The following MAN2B1 variants were observed in gnomAD, a reference collection of about 807,000 sequenced individuals.
The protein encoded by MAN2B1 is lysosomal alpha-mannosidase.
Under a neutral mutation model 127.5 loss-of-function variants are expected in MAN2B1, and 99 were observed. The observed-to-expected ratio is 0.78, with a 90% CI of 0.66 to 0.92. The LOEUF (loss-of-function observed/expected upper bound fraction) is 0.92, where lower values mean the gene tolerates loss of function less well. Among genes scored for constraint, MAN2B1 ranks in the 40% least tolerant of loss-of-function variants. The pLI is 0.00. For synonymous variants in MAN2B1, 573 were observed against 568.8 expected (o/e 1.01, Z -0.11); for missense variants, 1,304 against 1,384.8 (o/e 0.94, Z 0.93).
chr19:12,656,822 G>C (rs754856965), intron 12 of MAN2B1, 127 bp downstream of exon 12: 16 of 1,038,760 alleles, frequency 1.5e-5, no homozygotes, highest in Non-Finnish European at 2.4e-5. Flanking sequence ...GAGATGCGTT[G>C]TTCTCTCTGC....
In MAN2B1 at chr19:12,665,634, A is replaced by C; in HGVS notation, c.262+69T>G. 3 of 1,586,142 alleles carry C rather than the reference A, an allele frequency of 1.9e-6. No individual in the cohort carries two copies. In the Admixed American group the frequency reaches 5.0e-5, roughly 26 times the overall value. ...TTAGGGTAGCACTGGCCCCACCCTAATGTCCAGGACCCAGAGGGATTACAG... is the reference window on the plus strand; with the variant it reads ...TTAGGGTAGCACTGGCCCCACCCTACTGTCCAGGACCCAGAGGGATTACAG... On this transcript the variant is annotated intron_variant, in intron 2 of 23. Transcript: ENST00000456935.
At chr19:12,657,910 G>A (rs2024007107) in intron 10 of MAN2B1, 153 bp downstream of exon 10, 7 of 701,494 alleles carry the variant, frequency 1.0e-5, no homozygotes, top group Admixed American at 3.1e-5. Context: ...AGCCGAGATC[G>A]CACCACTGCA....
intron 14 of MAN2B1, 76 bp downstream of exon 14, chr19:12,655,618 C>G (rs1239066910): frequency 1.4e-6 from 2 of 1,475,148 alleles, no homozygotes; most frequent in Non-Finnish European, 1.8e-6. Flanking sequence ...ACCTGCTGAC[C>G]CAGAGTCCAC....
Position 12,646,599 on chromosome 19 carries a change from G to T in MAN2B1, c.*21C>A. 6.4e-7 allele frequency: 1 copy of T among 1,570,270 alleles called. No homozygotes were observed. Among genetic ancestry groups the T allele is most frequent in the Non-Finnish European group, 8.8e-7 (1 of 1,140,064 alleles). The stretch of plus-strand genomic sequence containing the variant: ...CCCCCGGAGCAGGAGGCTTGGGCTT[G>T]GAGGGCCCATCCCAGCAGACCTAAC... On this transcript the variant is annotated 3_prime_UTR_variant, in exon 24 of 24. Transcript: ENST00000456935.
intron 6 of MAN2B1, among the ~76,000 whole-genome samples, chr19:12,662,616 T>TAA (rs2024135012): frequency 1.8e-5 from 2 of 112,642 alleles, no homozygotes; most frequent in African/African-American, 6.8e-5. Flanking sequence ...GGCGACAGAG[T>TAA]GAGTCTAAAA....
chr19:12,658,552 C>A (rs1182832713), intron 7 of MAN2B1, 42 bp from the exon 8 acceptor site: 3 of 1,573,914 alleles, frequency 1.9e-6, no homozygotes, highest in Non-Finnish European at 2.6e-6. Context: ...GGAGTCCGCA[C>A]CTTCCTGGGG....
At chr19:12,655,595 C>T (rs899530842) in intron 14 of MAN2B1, 99 bp downstream of exon 14, 1 of 1,253,990 alleles carries the variant, frequency 8.0e-7, no homozygotes, top group Non-Finnish European at 1.1e-6. Flanking sequence ...GACAGGAGGT[C>T]ATAAGCCTAG....
At chr19:12,646,871 C>T (rs536754001) in intron 23 of MAN2B1, 139 bp from the exon 24 acceptor site, 2 of 671,930 alleles carry the variant, frequency 3.0e-6, no homozygotes, top group African/African-American at 1.8e-5. Context: ...AGACTCTTAA[C>T]CTGCTTCCCC....
chr19:12,660,844 C>T (rs1006716163), intron 7 of MAN2B1: 5 of 265,998 alleles, frequency 1.9e-5, no homozygotes, highest in African/African-American at 2.3e-5. Flanking sequence ...CTGCAACCTC[C>T]GCCTCCCGGA....
rs1322198938 is a variant in MAN2B1 at position 12,666,735 on chromosome 19, C to G, written c.-34G>C. 13 of 1,541,986 alleles carry G rather than the reference C, an allele frequency of 8.4e-6. No homozygotes were observed. The Admixed American group carries it at 1.8e-4, about 21-fold the overall frequency. On this transcript the variant is annotated 5_prime_UTR_variant, in exon 1 of 24. Transcript: ENST00000456935. ...AGCTTCCTCCTGGGGTTCCCCGGCC[C>G]TGGAAAGGCCGGGCAAACGCCCCGC...
Position 12,665,447 on chromosome 19 carries a change from C to A in MAN2B1, c.341G>T (p.Arg114Leu). 1.2e-6 allele frequency: 2 copies of A among 1,614,040 alleles called. No homozygotes were observed. The highest frequency in any genetic ancestry group is 2.7e-5 in the African/African-American group (2 of 75,024). Residue 114 changes from arginine to leucine, a missense_variant, in exon 3 of 24, where the codon CGT becomes CTT. By Grantham distance (102) the Arg-to-Leu change is moderately radical. Transcript: ENST00000456935. ...VISALLADPT[R>L]RFIYVEIAFF... ...GGCAATCTCCACGTAAATGAAGCGACGGGTGGGATCTGCCAGCAAGGCAGA... is the reference window on the plus strand; with the variant it reads ...GGCAATCTCCACGTAAATGAAGCGAAGGGTGGGATCTGCCAGCAAGGCAGA...
chr19:12,659,846 T>A (rs2024062172), intron 7 of MAN2B1, among the ~76,000 whole-genome samples: 1 of 151,752 alleles, frequency 6.6e-6, no homozygotes, highest in Non-Finnish European at 1.5e-5. Flanking sequence ...AATAAAATTT[T>A]AAAAAGAAAA....
At chr19:12,654,743 C>T (rs1490583840) in intron 14 of MAN2B1, among the ~76,000 whole-genome samples, 2 of 152,056 alleles carry the variant, frequency 1.3e-5, no homozygotes, top group Non-Finnish European at 2.9e-5. Flanking sequence ...GGCATGATCT[C>T]GGCTCACTGC....
At chr19:12,659,333 ACT>A (rs1408796773) in intron 7 of MAN2B1, among the ~76,000 whole-genome samples, 2 of 135,936 alleles carry the variant, frequency 1.5e-5, no homozygotes, top group Admixed American at 8.0e-5. Context: ...ACTGAGTCTG[ACT>A]CTGTCGCCCA....
chr19:12,652,072 C>G, intron 16 of MAN2B1, 81 bp downstream of exon 16: 1 of 1,056,402 alleles, frequency 9.5e-7, no homozygotes, highest in South Asian at 1.3e-5. Context: ...CCTACCCTCA[C>G]TCTACACATG....
Position 12,658,325 on chromosome 19 carries a change from AGTC to A in MAN2B1, c.1126_1128del (p.Asp376del). On this transcript the variant is annotated inframe_deletion, in exon 9 of 24. Transcript: ENST00000456935. ...TGGGGGCCATCCGCGTAAGGGAAGA[AGTC>A]GTCATGTTTCACTGACCTACAGCGG... 1 of 1,614,234 alleles carries A rather than the reference AGTC, an allele frequency of 6.2e-7. No individual in the cohort carries two copies.
Position 12,656,561 on chromosome 19 carries a change from T to G in MAN2B1, c.1644+10A>C. ...GTCCCAGCGGGGGAATATTCGTTGT[T>G]TGGGCTCACATCGCTGGGCACTGTC... On this transcript the variant is annotated intron_variant, in intron 13 of 23. Transcript: ENST00000456935. The G allele has an allele frequency of 6.2e-7, 1 of 1,602,598 alleles. No individual in the cohort carries two copies. The highest frequency in any genetic ancestry group is 8.5e-7 in the Non-Finnish European group (1 of 1,169,628).
At position 12,666,588 on chromosome 19, in the gene MAN2B1, GA is replaced by G; in HGVS notation, c.113del (p.Phe38SerfsTer26). ...LRPPLPPLCF[F>X]LLLLAAAGAR... Reference sequence around the variant, plus strand: ...CACCGGCAGCCGCCAGCAACAAAAGGAAAAAGCAGAGAGGCGGGAGCGGTGG... The same window carrying G: ...CACCGGCAGCCGCCAGCAACAAAAGGAAAAGCAGAGAGGCGGGAGCGGTGG... On this transcript the variant is annotated frameshift_variant, in exon 1 of 24. Transcript: ENST00000456935. LOFTEE classifies it high-confidence loss of function. 1.3e-6 allele frequency: 2 copies of G among 1,586,490 alleles called. No individual in the cohort carries two copies. Among genetic ancestry groups the G allele is most frequent in the Admixed American group, 1.8e-5 (1 of 55,176 alleles).
intron 3 of MAN2B1, 64 bp from the exon 4 acceptor site, chr19:12,665,049 A>G: frequency 6.9e-7 from 1 of 1,446,156 alleles, no homozygotes; most frequent in Admixed American, 1.7e-5. Context: ...AGGGTGGGTG[A>G]TACTGGGAAT....
Sources: allele counts gnomAD v4.1 joint callset (sites outside exome capture counted in the v4.1 genomes callset), GRCh38; gene constraint gnomAD v4.1.1; transcripts MANE v1.5; gene names NCBI Gene and HGNC (gene_info 2026-07-23, HGNC 2026-07-21).